The following PCDHA2 variants were observed in gnomAD, a reference collection of about 807,000 sequenced individuals.
PCDHA2 encodes the protein protocadherin alpha 2.
Under a neutral mutation model 66.0 loss-of-function variants are expected in PCDHA2, and 58 were observed. The ratio of observed to expected loss-of-function variants is 0.88; its 90% CI spans 0.71 to 1.09. PCDHA2 has a LOEUF of 1.09. Ranked by LOEUF, PCDHA2 falls within the 50% of genes least tolerant of loss-of-function variation. The pLI is 0.00. For missense variants in PCDHA2, 1,267 were observed against 1,242.3 expected (o/e 1.02, Z -0.30); for synonymous variants, 634 against 554.0 (o/e 1.14, Z -2.03).
chr5:140,968,095 TGGG>T (rs1554230332), intron 1 of PCDHA2: 1 of 1,613,884 alleles, frequency 6.2e-7, no homozygotes, highest in African/African-American at 1.3e-5. Flanking sequence ...CAGCCACAGA[TGGG>T]GGAATACCGC....
chr5:140,801,114 T>C, intron 1 of PCDHA2: 1 of 1,513,452 alleles, frequency 6.6e-7, no homozygotes, highest in Non-Finnish European at 8.8e-7. Context: ...ACCGAGGAGT[T>C]TAAGAAATGA....
intron 1 of PCDHA2, chr5:140,929,773 G>A (rs554286771): frequency 5.8e-6 from 1 of 173,032 alleles, no homozygotes; most frequent in East Asian, 1.8e-4. Context: ...AACCACAAAA[G>A]ATGTAAAAAT....
chr5:140,932,712 A>G (rs1025750078), intron 1 of PCDHA2, among the ~76,000 whole-genome samples: 4 of 151,972 alleles, frequency 2.6e-5, no homozygotes, highest in African/African-American at 9.6e-5. Context: ...AGACAACACA[A>G]TAATATTGTA....
At chr5:140,813,686 CA>C (rs1223474406) in intron 1 of PCDHA2, 1 of 152,170 alleles carries the variant, frequency 6.6e-6, no homozygotes, top group Non-Finnish European at 1.5e-5. Context: ...AGGCTACACT[CA>C]ATTTATCAAA....
At position 140,928,541 on chromosome 5, in the gene PCDHA2, A is replaced by G. The variant is rs149868042; in HGVS notation, c.2389-50408A>G. On this transcript the variant is annotated intron_variant, in intron 1 of 3. Transcript: ENST00000526136. ...AACTTGTTTGTGGTAGATAGGAATG[A>G]CAATTATCCGGTTATCTTGTTTCCC... 2 of 1,614,192 alleles carry G rather than the reference A, an allele frequency of 1.2e-6. No homozygotes were observed. Among genetic ancestry groups the G allele is most frequent in the African/African-American group, 1.3e-5 (1 of 75,044 alleles).
At chr5:140,799,297 C>T (rs1342101109) in intron 1 of PCDHA2, among the ~76,000 whole-genome samples, 4 of 152,024 alleles carry the variant, frequency 2.6e-5, no homozygotes, top group Admixed American at 6.5e-5. Flanking sequence ...TTCCATTTTG[C>T]AATTAGTATA....
intron 1 of PCDHA2, among the ~76,000 whole-genome samples, chr5:140,925,941 GAGA>G (rs1554203013): frequency 7.2e-6 from 1 of 138,610 alleles, no homozygotes; most frequent in East Asian, 1.9e-4. Flanking sequence ...GAGCCTCTTG[GAGA>G]AGGAGAAACT....
intron 3 of PCDHA2, among the ~76,000 whole-genome samples, chr5:140,996,661 G>A (rs1554255301): frequency 6.6e-6 from 1 of 152,194 alleles, no homozygotes; most frequent in Admixed American, 6.5e-5. Context: ...GTGCAGGCTA[G>A]TTTTTGAACC....
chr5:140,842,127 C>A (rs2150329918), intron 1 of PCDHA2: 3 of 1,613,572 alleles, frequency 1.9e-6, no homozygotes, highest in African/African-American at 1.3e-5. Context: ...GCTTCTGATC[C>A]GGATGAAGGA....
At chr5:140,825,083 T>C (rs1251888987) in intron 1 of PCDHA2, 2 of 151,882 alleles carry the variant, frequency 1.3e-5, no homozygotes, top group Admixed American at 6.6e-5. Flanking sequence ...TCTGGTATCC[T>C]TCTAGAGATT....
chr5:140,851,342 C>G, intron 1 of PCDHA2: 1 of 978,740 alleles, frequency 1.0e-6, no homozygotes, highest in Non-Finnish European at 1.2e-6. Context: ...CTCTACATTT[C>G]TCTGGATGGA....
intron 1 of PCDHA2, among the ~76,000 whole-genome samples, chr5:140,950,741 C>A (rs149114023): frequency 1.3e-5 from 2 of 152,006 alleles, no homozygotes; most frequent in African/African-American, 4.8e-5. Flanking sequence ...ATCCTAATTT[C>A]TCTCTATCCT....
rs782044159 is a variant in PCDHA2 at position 140,883,367 on chromosome 5, G to T, written c.2388+86015G>T. On this transcript the variant is annotated intron_variant, in intron 1 of 3. Transcript: ENST00000526136. Reference sequence around the variant, plus strand: ...CATCAGAGAAGACACTCAGCCTAGCGCCATTATTGCCCTAATCAGTGTGTC... The same window carrying T: ...CATCAGAGAAGACACTCAGCCTAGCTCCATTATTGCCCTAATCAGTGTGTC... The T allele has an allele frequency of 5.6e-6, 9 of 1,614,006 alleles. No homozygotes were observed. Among genetic ancestry groups the T allele is most frequent in the Non-Finnish European group, 7.6e-6 (9 of 1,180,038 alleles).
At chr5:140,992,017 CTGTGTGTGTGTGTG>C (rs10602499) in intron 3 of PCDHA2, among the ~76,000 whole-genome samples, 7 of 145,626 alleles carry the variant, frequency 4.8e-5, no homozygotes, top group East Asian at 2.0e-4. Context: ...AGAGGTGGCT[CTGTGTGTGTGTGTG>C]TGTGTGTGTG....
chr5:140,951,933 A>T (rs2094659165), intron 1 of PCDHA2, among the ~76,000 whole-genome samples: 1 of 152,164 alleles, frequency 6.6e-6, no homozygotes, highest in African/African-American at 2.4e-5. Context: ...TACTCCCAAG[A>T]TACAGTGCGG....
intron 3 of PCDHA2, among the ~76,000 whole-genome samples, chr5:140,992,482 G>A (rs1187706188): frequency 6.6e-6 from 1 of 152,164 alleles, no homozygotes; most frequent in Non-Finnish European, 1.5e-5. Flanking sequence ...TCACCCAGAG[G>A]CCAATCTGTA....
chr5:140,844,618 A>C (rs1230516172), intron 1 of PCDHA2, among the ~76,000 whole-genome samples: 1 of 149,532 alleles, frequency 6.7e-6, no homozygotes, highest in Non-Finnish European at 1.5e-5. Context: ...AAATGTTTTC[A>C]TCAGAAAAAC....
intron 1 of PCDHA2, chr5:140,841,355 T>C: frequency 6.2e-7 from 1 of 1,612,706 alleles, no homozygotes; most frequent in Non-Finnish European, 8.5e-7. Flanking sequence ...GCTGGGATCC[T>C]GGCGACTACT....
At chr5:140,875,841 G>A in intron 1 of PCDHA2, 2 of 1,614,164 alleles carry the variant, frequency 1.2e-6, no homozygotes, top group Non-Finnish European at 1.7e-6. Flanking sequence ...ACGTGGAGGT[G>A]AAGGACATTA....
Sources: gnomAD v4.1 joint callset for allele counts (sites outside exome capture counted in the v4.1 genomes callset) on GRCh38, gnomAD v4.1.1 for gene constraint, MANE v1.5 for transcripts, NCBI Gene and HGNC (gene_info 2026-07-23, HGNC 2026-07-21) for gene names.